The following C3orf33 variants were observed in gnomAD, a reference collection of about 807,000 sequenced individuals.
The protein encoded by C3orf33 is mitochondrial inner membrane subdomain organizer 1.
Under a neutral mutation model 28.7 loss-of-function variants are expected in C3orf33, and 23 were observed. The observed-to-expected ratio is 0.80, with a 90% confidence interval of 0.58 to 1.13. The LOEUF (loss-of-function observed/expected upper bound fraction) is 1.13, where lower values mean the gene tolerates loss of function less well. C3orf33 is among the 50% of genes most tolerant of loss of function. C3orf33 has a pLI of 0.00. For synonymous variants in C3orf33, 119 were observed against 120.5 expected, an observed-to-expected ratio of 0.99 and a Z score of 0.08; for missense variants, 327 against 353.4, an observed-to-expected ratio of 0.93 and a Z score of 0.60.
At chr3:155,774,727 A>G (rs899144330) in intron 3 of C3orf33, among the ~76,000 whole-genome samples, 20 of 147,760 alleles carry the variant, frequency 1.4e-4, no homozygotes, top group African/African-American at 5.1e-4. Context: ...TGTGTGGCCC[A>G]AGAAAATTTT....
chr3:155,791,325 C>CA (rs1751308112), intron 2 of C3orf33, among the ~76,000 whole-genome samples: 1 of 152,156 alleles, frequency 6.6e-6, no homozygotes, highest in East Asian at 1.9e-4. Flanking sequence ...CAGCAATACT[C>CA]ACGCAATACC....
chr3:155,793,220 A>C (rs1273030175), intron 2 of C3orf33, among the ~76,000 whole-genome samples: 1 of 151,742 alleles, frequency 6.6e-6, no homozygotes, highest in African/African-American at 2.4e-5. Flanking sequence ...CAAAAAAAAA[A>C]AAACCTGTAA....
intron 2 of C3orf33, among the ~76,000 whole-genome samples, chr3:155,781,768 CA>C (rs36059033): frequency 0.23 from 15,145 of 64,540 alleles, 986 homozygotes; most frequent in Middle Eastern, 0.32. Context: ...GACTCTATCT[CA>C]AAAAAAAAAA....
At chr3:155,793,222 A>C (rs1577433498) in intron 2 of C3orf33, among the ~76,000 whole-genome samples, 1 of 151,584 alleles carries the variant, frequency 6.6e-6, no homozygotes, top group African/African-American at 2.4e-5. Flanking sequence ...AAAAAAAAAA[A>C]ACCTGTAATT....
chr3:155,770,759 C>A (rs1025277828), intron 3 of C3orf33, among the ~76,000 whole-genome samples: 1 of 152,004 alleles, frequency 6.6e-6, no homozygotes, highest in Non-Finnish European at 1.5e-5. Flanking sequence ...ACCTCTGCCT[C>A]AAGTGATTCT....
At chr3:155,784,581 C>T (rs2109266839) in intron 2 of C3orf33, among the ~76,000 whole-genome samples, 1 of 151,754 alleles carries the variant, frequency 6.6e-6, no homozygotes, top group East Asian at 2.0e-4. Context: ...CTCTACAAAT[C>T]AAACAAAAAT....
intron 2 of C3orf33, among the ~76,000 whole-genome samples, chr3:155,788,850 A>G (rs538881349): frequency 6.6e-6 from 1 of 152,310 alleles, no homozygotes; most frequent in South Asian, 2.1e-4. Context: ...CATAGACAAG[A>G]GAGAAAAAAG....
At chr3:155,774,031 T>C (rs1401670084) in intron 3 of C3orf33, among the ~76,000 whole-genome samples, 1 of 152,224 alleles carries the variant, frequency 6.6e-6, no homozygotes, top group Non-Finnish European at 1.5e-5. Context: ...AACAGAGTGA[T>C]ATTCGTTCAA....
intron 2 of C3orf33, among the ~76,000 whole-genome samples, chr3:155,788,637 G>A (rs560040007): frequency 5.9e-4 from 89 of 149,852 alleles, no homozygotes; most frequent in African/African-American, 2.0e-3. Context: ...AGCCGAAATC[G>A]CAGCCACCAC....
chr3:155,795,792 C>T (rs1337813875), intron 2 of C3orf33, among the ~76,000 whole-genome samples: 2 of 151,648 alleles, frequency 1.3e-5, no homozygotes, highest in African/African-American at 4.8e-5. Context: ...CCTGTCTCTA[C>T]TAAAAATACA....
Position 155,775,723 on chromosome 3 carries a change from T to C in C3orf33, c.300A>G (p.Leu100=). The C allele has an allele frequency of 6.4e-7, 1 of 1,566,940 alleles. No homozygotes were observed. Residue 100 remains leucine (L), a synonymous_variant, in exon 3 of 5, where the codon TTA becomes TTG. Coordinates refer to ENST00000340171, the MANE Select transcript of C3orf33 (RefSeq NM_001308229.2). ...TACTTCTCAATGAAGCTATAATAGG[T>C]AAAGTAATAGGTATATGTTCAATTT... ...GLEIEHIPIT[L]PIIASLRKEP...
At chr3:155,781,114 C>T (rs1750909082) in intron 2 of C3orf33, among the ~76,000 whole-genome samples, 1 of 151,702 alleles carries the variant, frequency 6.6e-6, no homozygotes, top group Non-Finnish European at 1.5e-5. Context: ...TCTCCTGCCT[C>T]AGCCTCCCGA....
intron 3 of C3orf33, among the ~76,000 whole-genome samples, chr3:155,774,586 C>T (rs146213719): frequency 5.4e-4 from 82 of 151,948 alleles, no homozygotes; most frequent in Admixed American, 1.4e-3. Context: ...AGCCTGTGGG[C>T]CACATGCAGC....
intron 3 of C3orf33, 114 bp downstream of exon 3, chr3:155,775,587 T>C: frequency 1.6e-6 from 1 of 638,052 alleles, no homozygotes; most frequent in Non-Finnish European, 2.4e-6. Context: ...GACTTTCTCA[T>C]GGACAATGGA....
intron 3 of C3orf33, among the ~76,000 whole-genome samples, chr3:155,772,457 AT>A (rs986799403): frequency 7.2e-5 from 11 of 152,008 alleles, no homozygotes; most frequent in Admixed American, 1.3e-4. Context: ...ACAAAAACTG[AT>A]TTTTTTGTAA....
Position 155,763,625 on chromosome 3 carries a change from T to C in C3orf33, c.777A>G (p.Glu259=), listed in dbSNP as rs764518767. 6.3e-7 allele frequency: 1 copy of C among 1,595,666 alleles called. No individual in the cohort carries two copies. Among genetic ancestry groups the C allele is most frequent in the Non-Finnish European group, 8.5e-7 (1 of 1,175,454 alleles). The change falls in exon 5 of 5, where the codon GAA becomes GAG. Residue 259 remains glutamate, a synonymous_variant. Transcript: ENST00000340171. ...DFSLKKESYY[E]KLKRTYEIWK... ...ATATTTCATAAGTCCTTTTAAGTTT[T>C]TCATAATAACTTTCTTTTTTCAAGC...
Position 155,775,709 on chromosome 3 carries a change from G to A in C3orf33, c.314C>T (p.Ser105Leu), listed in dbSNP as rs73021523. 7,388 of 1,534,032 alleles carry A rather than the reference G, an allele frequency of 4.8e-3. 313 individuals carry two copies. The African/African-American group carries it at 0.09, about 19-fold the overall frequency. ...HIPITLPIIA[S>L]LRKEPRGALL... is the part of the protein sequence containing the mutation. ...TCTTGTACCTTACTTACTTCTCAAT[G>A]AAGCTATAATAGGTAAAGTAATAGG... The change falls in exon 3 of 5, where the codon TCA becomes TTA. Residue 105 changes from serine to leucine, a missense_variant. Transcript: ENST00000340171.
rs79555358 is a variant in C3orf33 at position 155,776,661 on chromosome 3, C to T, written c.175-813G>A. Among the ~76,000 whole-genome samples, 834 of 146,046 alleles carry T rather than the reference C, an allele frequency of 5.7e-3. 8 individuals carry two copies. The highest frequency in any genetic ancestry group is 0.02 in the African/African-American group (799 of 39,358). ...ATCAGCTGGGCATGGTAACACAGAACAGGAGGGTCACTTGAGCCCAGGAGT... is the reference window on the plus strand; with the variant it reads ...ATCAGCTGGGCATGGTAACACAGAATAGGAGGGTCACTTGAGCCCAGGAGT... On this transcript the variant is annotated intron_variant, in intron 2 of 4. Coordinates refer to ENST00000340171, the MANE Select transcript of C3orf33 (RefSeq NM_001308229.2).
chr3:155,782,588 A>G (rs1750959792), intron 2 of C3orf33, among the ~76,000 whole-genome samples: 1 of 152,224 alleles, frequency 6.6e-6, no homozygotes, highest in Admixed American at 6.5e-5. Context: ...AAGGTAGTGG[A>G]CTGATATATT....
Sources: gnomAD v4.1 joint callset for allele counts (sites outside exome capture counted in the v4.1 genomes callset) on GRCh38, gnomAD v4.1.1 for gene constraint, MANE v1.5 for transcripts, NCBI Gene and HGNC (gene_info 2026-07-23, HGNC 2026-07-21) for gene names.